The following NTN4 variants were observed in gnomAD, a reference collection of about 807,000 sequenced individuals.
NTN4 encodes the protein netrin 4, also known as netrin-4.
Under a neutral mutation model 73.6 loss-of-function variants are expected in NTN4, and 32 were observed. The observed-to-expected ratio is 0.44, with a 90% CI of 0.33 to 0.58. NTN4 has a LOEUF of 0.58. Ranked by LOEUF, NTN4 falls within the 20% of genes least tolerant of loss-of-function variation. The pLI is 0.04. For synonymous variants in NTN4, 258 were observed against 287.5 expected (o/e 0.90, Z 1.04); for missense variants, 654 against 798.3 (o/e 0.82, Z 2.18).
chr12:95,722,268 C>T (rs1196808942), intron 3 of NTN4, among the ~76,000 whole-genome samples: 4 of 152,116 alleles, frequency 2.6e-5, no homozygotes, highest in African/African-American at 7.2e-5. Context: ...CAGAGAAAAG[C>T]GCAGCTTGGC....
intron 2 of NTN4, among the ~76,000 whole-genome samples, chr12:95,768,084 AT>A (rs2079032229): frequency 6.6e-6 from 1 of 152,204 alleles, no homozygotes; most frequent in African/African-American, 2.4e-5. Context: ...AATAACAACA[AT>A]AGTGGAAGAG....
At chr12:95,743,760 TTC>T (rs1319534226) in intron 2 of NTN4, among the ~76,000 whole-genome samples, 6 of 152,230 alleles carry the variant, frequency 3.9e-5, no homozygotes, top group Non-Finnish European at 1.5e-5. Flanking sequence ...TCAGTATATG[TTC>T]TGTCTTGATA....
intron 3 of NTN4, among the ~76,000 whole-genome samples, chr12:95,732,797 G>A (rs1420119871): frequency 6.6e-6 from 1 of 152,118 alleles, no homozygotes; most frequent in Non-Finnish European, 1.5e-5. Flanking sequence ...CTTTAAATCT[G>A]TCCTTAATTT....
rs542367885 is a variant in NTN4, at chr12:95,745,401, G to A, written c.586-7257C>T. Among the ~76,000 whole-genome samples, 10 of 152,014 alleles carry A rather than the reference G, an allele frequency of 6.6e-5. No homozygotes were observed. The South Asian group carries it at 1.9e-3, about 28-fold the overall frequency. On this transcript the variant is annotated intron_variant, in intron 2 of 9. Transcript: ENST00000343702. ...TCATTTCTATTGCTACGTATTAAACGTCACTAATCTTTTCTTCTACAATGT... is the reference window on the plus strand; with the variant it reads ...TCATTTCTATTGCTACGTATTAAACATCACTAATCTTTTCTTCTACAATGT...
intron 2 of NTN4, among the ~76,000 whole-genome samples, chr12:95,756,600 A>C (rs1333338970): frequency 6.6e-6 from 1 of 151,896 alleles, no homozygotes; most frequent in Non-Finnish European, 1.5e-5. Context: ...TCAATTTCCT[A>C]TCACCATGCT....
At chr12:95,749,461 A>G (rs963724258) in intron 2 of NTN4, among the ~76,000 whole-genome samples, 4 of 151,282 alleles carry the variant, frequency 2.6e-5, no homozygotes, top group Non-Finnish European at 4.4e-5. Context: ...CTCTTCTCCA[A>G]CCTCTCTCAC....
intron 2 of NTN4, among the ~76,000 whole-genome samples, chr12:95,747,210 G>T (rs575933580): frequency 2.5e-4 from 38 of 152,228 alleles, no homozygotes; most frequent in Admixed American, 5.2e-4. Context: ...TCTAAACTTT[G>T]TACATTTATT....
At chr12:95,716,080 C>A (rs1205760329) in intron 3 of NTN4, among the ~76,000 whole-genome samples, 23 of 138,592 alleles carry the variant, frequency 1.7e-4, no homozygotes, top group Middle Eastern at 3.8e-3. Flanking sequence ...TCCTACATGT[C>A]AAAAAAAAAA....
chr12:95,757,070 G>A (rs1254569203), intron 2 of NTN4, among the ~76,000 whole-genome samples: 8 of 152,080 alleles, frequency 5.3e-5, no homozygotes, highest in Admixed American at 5.2e-4. Context: ...TTAATTGCTT[G>A]TATTTCTCTC....
At chr12:95,695,033 C>T (rs560454347) in intron 5 of NTN4, among the ~76,000 whole-genome samples, 83 of 151,732 alleles carry the variant, frequency 5.5e-4, no homozygotes, top group African/African-American at 2.0e-3. Flanking sequence ...GAGGATGAGG[C>T]ACAAGAATGG....
At chr12:95,672,777 C>A in intron 7 of NTN4, 1 of 1,314,690 alleles carries the variant, frequency 7.6e-7, no homozygotes, top group Non-Finnish European at 1.1e-6. Context: ...GTCTGAAGGA[C>A]ACTATTGCCA....
intron 2 of NTN4, among the ~76,000 whole-genome samples, chr12:95,756,361 A>T (rs988235085): frequency 2.0e-5 from 3 of 152,192 alleles, no homozygotes; most frequent in African/African-American, 7.2e-5. Context: ...AGATGTAGTG[A>T]ACGTTTTCTT....
intron 2 of NTN4, among the ~76,000 whole-genome samples, chr12:95,755,664 T>A (rs925420349): frequency 6.6e-6 from 1 of 152,168 alleles, no homozygotes; most frequent in African/African-American, 2.4e-5. Context: ...AAGCTCTCAA[T>A]GGAGCAAGCT....
intron 9 of NTN4, among the ~76,000 whole-genome samples, chr12:95,665,041 C>A (rs2078168893): frequency 6.6e-6 from 1 of 151,962 alleles, no homozygotes; most frequent in Admixed American, 6.6e-5. Flanking sequence ...ATTATGTTAC[C>A]ATTATCTGGG....
intron 5 of NTN4, among the ~76,000 whole-genome samples, chr12:95,697,782 G>T (rs2078453448): frequency 6.6e-6 from 1 of 151,906 alleles, no homozygotes. Context: ...GCAGGTCATG[G>T]GATCTTTGTA....
At chr12:95,774,186 TAAA>T (rs61303419) in intron 2 of NTN4, among the ~76,000 whole-genome samples, 1 of 148,730 alleles carries the variant, frequency 6.7e-6, no homozygotes, top group Non-Finnish European at 1.5e-5. Context: ...TTTTTTTTTT[TAAA>T]AAAAAAAGAT....
intron 3 of NTN4, among the ~76,000 whole-genome samples, chr12:95,729,632 AGTGTGT>A (rs758891542): frequency 0.037 from 4,591 of 124,020 alleles, 129 homozygotes; most frequent in Middle Eastern, 0.1. Context: ...AGAGAGAGAG[AGTGTGT>A]GTGTGTGTGT....
At chr12:95,780,177 G>T (rs1172445543) in intron 2 of NTN4, among the ~76,000 whole-genome samples, 1 of 152,030 alleles carries the variant, frequency 6.6e-6, no homozygotes, top group Non-Finnish European at 1.5e-5. Context: ...TTAAATGTTA[G>T]ACCTAAAACC....
chr12:95,658,872 G>A lies in NTN4; in HGVS notation c.*214C>T, dbSNP rs76579222. 341 of 391,866 alleles carry A rather than the reference G, an allele frequency of 8.7e-4. 1 individual carries two copies. The East Asian group carries it at 0.013, about 15-fold the overall frequency. 24.3% of individuals were successfully genotyped at this position (391,866 alleles called of 1,614,324 possible). On this transcript the variant is annotated 3_prime_UTR_variant, in exon 10 of 10. Transcript: ENST00000343702. ...TTCAGAATCAGTCCCATAGAAAACA[G>A]ATATCAGTGTAGGGGTTTTCATTTC...
Sources: gnomAD v4.1 joint callset for allele counts (sites outside exome capture counted in the v4.1 genomes callset) on GRCh38, gnomAD v4.1.1 for gene constraint, MANE v1.5 for transcripts, NCBI Gene and HGNC (gene_info 2026-07-23, HGNC 2026-07-21) for gene names.